Variants in CFAP73 observed in about 807,000 individuals in gnomAD.
The protein encoded by CFAP73 is cilia- and flagella-associated protein 73.
In CFAP73, 33 loss-of-function variants were observed where a neutral mutation model predicts 42.9. The observed-to-expected ratio is 0.77, with a 90% CI of 0.58 to 1.03. The LOEUF (loss-of-function observed/expected upper bound fraction) is 1.03, where lower values mean the gene tolerates loss of function less well. Ranked by LOEUF, CFAP73 falls within the 50% of genes least tolerant of loss-of-function variation. The probability of loss-of-function intolerance (pLI) is 0.00; values close to 1 mark genes in which losing one functional copy is unlikely to be tolerated. For missense variants in CFAP73, 392 were observed against 411.9 expected (o/e 0.95, Z 0.42); for synonymous variants, 162 against 186.8 (o/e 0.87, Z 1.08).
chr12:113,157,593 C>G lies in CFAP73; in HGVS notation c.850-9C>G, dbSNP rs748939865. 1 of 1,547,058 alleles carries G rather than the reference C, an allele frequency of 6.5e-7. No homozygotes were observed. Among genetic ancestry groups the G allele is most frequent in the South Asian group, 1.2e-5 (1 of 83,974 alleles). The stretch of plus-strand genomic sequence containing the variant: ...GGCTGGGATGTGACTTCGTGCTGGG[C>G]CCCCCCAGGTGAAGCTGTTCATGCA... On this transcript the variant is annotated splice_polypyrimidine_tract_variant and intron_variant, in intron 6 of 7. Transcript: ENST00000335621.
At chr12:113,157,828 C>T (rs1171463061) in intron 7 of CFAP73, 138 bp downstream of exon 7, 5 of 675,982 alleles carry the variant, frequency 7.4e-6, no homozygotes, top group East Asian at 5.5e-5. Flanking sequence ...GTTCAGAGTG[C>T]TGTGGGCCTG....
intron 1 of CFAP73, among the ~76,000 whole-genome samples, chr12:113,151,020 TTTATTATTA>T (rs112063776): frequency 6.6e-6 from 1 of 150,808 alleles, no homozygotes; most frequent in Non-Finnish European, 1.5e-5. Flanking sequence ...CCTGGCATTC[TTTATTATTA>T]TTATTATTAT....
rs1282700617 is a variant in CFAP73 at position 113,154,791 on chromosome 12, C to T, written c.690+156C>T. ...AATCTCAGGCATCACCGAGCCGTTT[C>T]GGGCATGAGGCCCCGCCCCATCCGC... On this transcript the variant is annotated intron_variant, in intron 5 of 7. Transcript: ENST00000335621. This position sits in a 1 kb window ranked among gnomAD's most constrained non-coding sequence, Gnocchi z 4.7. Among the ~76,000 whole-genome samples, 1 of 152,204 alleles carries T rather than the reference C, an allele frequency of 6.6e-6. No individual in the cohort carries two copies. Among genetic ancestry groups the T allele is most frequent in the East Asian group, 1.9e-4 (1 of 5,178 alleles).
chr12:113,158,706 C>T lies in CFAP73; in HGVS notation c.*17C>T, dbSNP rs577667023. 6.5e-5 allele frequency: 47 copies of T among 727,222 alleles called. No homozygotes were observed. Among genetic ancestry groups the T allele is most frequent in the South Asian group, 1.1e-4 (5 of 45,674 alleles). The allele number at this position is 727,222 out of a possible 1,614,324, so 45.0% of individuals were successfully genotyped here. On this transcript the variant is annotated 3_prime_UTR_variant, in exon 8 of 8. Transcript: ENST00000335621. This position sits in a 1 kb window ranked among gnomAD's most constrained non-coding sequence, Gnocchi z 4.9. ...TTCAAATGTCTCTGTCTTAGGCTGA[C>T]GCAGCTGCTGCCCTTCTGTGGCCAT...
intron 6 of CFAP73, 44 bp downstream of exon 6, chr12:113,155,462 C>T (rs1399039108): frequency 4.0e-6 from 6 of 1,503,184 alleles, no homozygotes; most frequent in Non-Finnish European, 5.4e-6. Context: ...CAAACACTCC[C>T]TCTTTGGAAA....
rs1332172315 is a variant in CFAP73 at position 113,154,669 on chromosome 12, C to T, written c.690+34C>T. The stretch of plus-strand genomic sequence containing the variant: ...CGCCCTAGGTGGGGGGCGCTCCGGA[C>T]CCCAGGCTTCCACAGCCGGGCGGGG... On this transcript the variant is annotated intron_variant, in intron 5 of 7. Coordinates refer to ENST00000335621, the MANE Select transcript of CFAP73 (RefSeq NM_001144872.3). The surrounding 1 kb of genome is among the most constrained non-coding windows in gnomAD (Gnocchi z 4.7). 1 of 1,379,764 alleles carries T rather than the reference C, an allele frequency of 7.2e-7. No individual in the cohort carries two copies. Among genetic ancestry groups the T allele is most frequent in the East Asian group, 3.0e-5 (1 of 33,794 alleles). The allele number at this position is 1,379,764 out of a possible 1,614,324, so 85.5% of individuals were successfully genotyped here.
At chr12:113,157,546 G>C in intron 6 of CFAP73, 56 bp from the exon 7 acceptor site, 1 of 1,466,950 alleles carries the variant, frequency 6.8e-7, no homozygotes, top group Non-Finnish European at 9.3e-7. Context: ...GTTGAGGGGT[G>C]GGGGCTGGAC....
intron 6 of CFAP73, among the ~76,000 whole-genome samples, chr12:113,156,122 G>C (rs898641025): frequency 6.6e-6 from 1 of 151,916 alleles, no homozygotes; most frequent in Non-Finnish European, 1.5e-5. Flanking sequence ...GTTTCACCAG[G>C]TTGGCCAGGC....
In CFAP73 at chr12:113,155,498, T is replaced by C. The variant is rs1338884611; in HGVS notation, c.849+80T>C. 5.0e-6 allele frequency: 7 copies of C among 1,403,996 alleles called. No homozygotes were observed. The African/African-American group carries it at 7.2e-5, about 14-fold the overall frequency. 87.0% of individuals were successfully genotyped at this position (1,403,996 alleles called of 1,614,324 possible). On this transcript the variant is annotated intron_variant, in intron 6 of 7. Transcript: ENST00000335621. ...AATGAGCCTAAAACCCCACAGTTAG[T>C]GACACCTTCTCTGGGTTAAGCATGG...
At chr12:113,153,146 T>C in intron 3 of CFAP73, 62 bp from the exon 4 acceptor site, 11 of 1,412,664 alleles carry the variant, frequency 7.8e-6, no homozygotes, top group Non-Finnish European at 1.0e-5. Context: ...AGGATGGAGG[T>C]GCCGAACTCC....
chr12:113,153,138 G>A (rs981279431), intron 3 of CFAP73, 70 bp from the exon 4 acceptor site: 2 of 1,403,286 alleles, frequency 1.4e-6, no homozygotes, highest in Non-Finnish European at 1.9e-6. Flanking sequence ...GTCAGGGCAG[G>A]ATGGAGGTGC....
At chr12:113,153,083 C>A in intron 3 of CFAP73, 125 bp from the exon 4 acceptor site, 2 of 1,118,576 alleles carry the variant, frequency 1.8e-6, no homozygotes, top group African/African-American at 1.6e-5. Flanking sequence ...GAAGAGCCAG[C>A]TTCCGAGCCA....
At chr12:113,150,087 A>T (rs745957530) in intron 1 of CFAP73, among the ~76,000 whole-genome samples, 174 bp downstream of exon 1, 68 of 152,174 alleles carry the variant, frequency 4.5e-4, no homozygotes, top group Non-Finnish European at 6.3e-4. Context: ...AGGCATCACC[A>T]TGGTCTCAGG....
At chr12:113,157,066 A>AT (rs912822522) in intron 6 of CFAP73, 1 of 152,884 alleles carries the variant, frequency 6.5e-6, no homozygotes, top group South Asian at 2.1e-4. Flanking sequence ...AGGGGTAACT[A>AT]TTTTTTTCCA....
intron 3 of CFAP73, 132 bp from the exon 4 acceptor site, chr12:113,153,076 G>A: frequency 9.7e-7 from 1 of 1,034,844 alleles, no homozygotes; most frequent in Non-Finnish European, 1.4e-6. Flanking sequence ...GTTGGGTGAA[G>A]AGCCAGCTTC....
chr12:113,154,720 G>A lies in CFAP73; in HGVS notation c.690+85G>A. The A allele has an allele frequency of 1.5e-6, 2 of 1,368,136 alleles. No homozygotes were observed. The highest frequency in any genetic ancestry group is 1.9e-6 in the Non-Finnish European group (2 of 1,069,038). The allele number at this position is 1,368,136 out of a possible 1,614,324, so 84.7% of individuals were successfully genotyped here. Reference sequence around the variant, plus strand: ...AGGAACGCCAGGGCTGATGAGGACCGATGGGGCAATGCTTACCCCAGAGGG... The same window carrying A: ...AGGAACGCCAGGGCTGATGAGGACCAATGGGGCAATGCTTACCCCAGAGGG... On this transcript the variant is annotated intron_variant, in intron 5 of 7. Coordinates refer to ENST00000335621, the MANE Select transcript of CFAP73 (RefSeq NM_001144872.3). This position sits in a 1 kb window ranked among gnomAD's most constrained non-coding sequence, Gnocchi z 4.7.
chr12:113,152,965 A>C, intron 3 of CFAP73, 78 bp downstream of exon 3: 1 of 1,052,508 alleles, frequency 9.5e-7, no homozygotes, highest in Non-Finnish European at 1.4e-6. Context: ...GCAGGTAACA[A>C]AAATAAAAGA....
chr12:113,157,754 G>C (rs766395424), intron 7 of CFAP73, 64 bp downstream of exon 7: 10 of 1,193,748 alleles, frequency 8.4e-6, no homozygotes, highest in Non-Finnish European at 1.1e-5. Context: ...TTTCCAATGG[G>C]GTGTGGACTG....
At chr12:113,152,141 A>C in intron 2 of CFAP73, 118 bp downstream of exon 2, 21 of 695,136 alleles carry the variant, frequency 3.0e-5, no homozygotes, top group Non-Finnish European at 4.7e-5. Flanking sequence ...TGATTTCCTC[A>C]TCGTCAAATG....
Sources: gnomAD v4.1 joint callset for allele counts (sites outside exome capture counted in the v4.1 genomes callset) on GRCh38, gnomAD v4.1.1 for gene constraint, Gnocchi (gnomAD v3.1) non-coding constraint, MANE v1.5 for transcripts, NCBI Gene and HGNC (gene_info 2026-07-23, HGNC 2026-07-21) for gene names.